The following KAZN variants were observed in gnomAD, a reference collection of about 807,000 sequenced individuals.
KAZN encodes the protein kazrin.
A neutral mutation model predicts 87.4 loss-of-function variants in KAZN; 40 were observed. The observed-to-expected ratio is 0.46, with a 90% CI of 0.36 to 0.60. KAZN has a LOEUF of 0.60. KAZN is among the 20% of genes least tolerant of loss of function. The pLI is 0.00. For missense variants in KAZN, 898 were observed against 1,073.9 expected (o/e 0.84, Z 2.29); for synonymous variants, 466 against 458.3 (o/e 1.02, Z -0.22).
chr1:14,466,338 A>C (rs2480056), intron 2 of KAZN, among the ~76,000 whole-genome samples: 4,276 of 151,894 alleles, frequency 0.028, 86 homozygotes, highest in Middle Eastern at 0.068. Context: ...AAGGAAAACA[A>C]AAAAGGAGAC....
chr1:14,760,199 C>T (rs1644700822), intron 1 of KAZN, among the ~76,000 whole-genome samples: 1 of 152,170 alleles, frequency 6.6e-6, no homozygotes, highest in Non-Finnish European at 1.5e-5. Context: ...CTTCCCACCC[C>T]CATTACTGGA....
At chr1:14,102,137 C>T (rs2101646971) in intron 1 of KAZN, among the ~76,000 whole-genome samples, 1 of 152,182 alleles carries the variant, frequency 6.6e-6, no homozygotes, top group Non-Finnish European at 1.5e-5. Context: ...TTTAAAAGCC[C>T]AGCTGAACTC....
chr1:14,096,836 G>A (rs1194312298), intron 1 of KAZN, among the ~76,000 whole-genome samples: 2 of 152,206 alleles, frequency 1.3e-5, no homozygotes, highest in African/African-American at 2.4e-5. Flanking sequence ...GTAACAGGGA[G>A]CATCTGTATT....
intron 2 of KAZN, among the ~76,000 whole-genome samples, chr1:14,395,354 G>C (rs1662807492): frequency 6.6e-6 from 1 of 151,920 alleles, no homozygotes; most frequent in African/African-American, 2.4e-5. Flanking sequence ...TTTTTTTTAA[G>C]TGCTTGGAAT....
intron 2 of KAZN, among the ~76,000 whole-genome samples, chr1:14,465,276 G>C (rs1229670926): frequency 6.6e-6 from 1 of 151,756 alleles, no homozygotes; most frequent in Non-Finnish European, 1.5e-5. Context: ...GAGGGCGCCT[G>C]TAGTCCCAGC....
chr1:14,845,855 G>A (rs1648691179), intron 1 of KAZN, among the ~76,000 whole-genome samples: 1 of 152,136 alleles, frequency 6.6e-6, no homozygotes. Flanking sequence ...CTCGAGGCAA[G>A]TCGGCCCCAG....
chr1:14,150,685 G>A (rs906376070), intron 1 of KAZN, among the ~76,000 whole-genome samples: 7 of 152,172 alleles, frequency 4.6e-5, no homozygotes, highest in East Asian at 1.9e-4. Flanking sequence ...GGAAAGAGAC[G>A]ATTTCACATT....
rs59955064 is a variant in KAZN, at chr1:14,845,361, G to GTGGATGGATGGA, written c.227-115303_227-115292dup. On this transcript the variant is annotated intron_variant, in intron 1 of 14. Transcript: ENST00000376030. ...GATGGATAGGTGAAGGGATGGATGA[G>GTGGATGGATGGA]TGGATGGATGGATGGATGGATGGAT... Among the ~76,000 whole-genome samples the GTGGATGGATGGA allele has an allele frequency of 3.4e-3, 504 of 147,322 alleles. 1 individual carries two copies. Among genetic ancestry groups the GTGGATGGATGGA allele is most frequent in the Middle Eastern group, 0.011 (3 of 282 alleles).
rs1057264549 is a variant in KAZN, at chr1:14,999,975, T to C, written c.419-34774T>C. 2.0e-5 allele frequency among the ~76,000 whole-genome samples: 3 copies of C among 152,266 alleles called. No homozygotes were observed. The South Asian group carries it at 6.2e-4, about 32-fold the overall frequency. On this transcript the variant is annotated intron_variant, in intron 2 of 14. Coordinates refer to ENST00000376030, the MANE Select transcript of KAZN (RefSeq NM_201628.3). ...TAAATAATGCCCGCCCCCCAAGATG[T>C]CCATGATATAATCCCTGGAACCTGT...
chr1:14,935,160 G>T (rs1447387374), intron 1 of KAZN, among the ~76,000 whole-genome samples: 1 of 152,216 alleles, frequency 6.6e-6, no homozygotes, highest in Non-Finnish European at 1.5e-5. Flanking sequence ...TACCCCTTGG[G>T]TTCTGGAGCA....
rs905007928 is a variant in KAZN, at chr1:14,812,093, A to G, written c.227-148591A>G. On this transcript the variant is annotated intron_variant, in intron 1 of 14. Coordinates refer to ENST00000376030, the MANE Select transcript of KAZN (RefSeq NM_201628.3). ...TAGAAGGGACACCGAGAGCTGTCAC[A>G]TCTTTCCCCACCTTTCCCTTGAAAT... Among the ~76,000 whole-genome samples the G allele has an allele frequency of 5.3e-5, 8 of 152,272 alleles. No homozygotes were observed. In the East Asian group the frequency reaches 1.5e-3, roughly 29 times the overall value.
intron 1 of KAZN, among the ~76,000 whole-genome samples, chr1:14,880,670 A>T (rs1653241975): frequency 6.6e-6 from 1 of 152,060 alleles, no homozygotes; most frequent in Admixed American, 6.6e-5. Context: ...TGGGCTGTTG[A>T]CCCAAAGGCT....
intron 2 of KAZN, among the ~76,000 whole-genome samples, chr1:14,395,108 G>A (rs79712353): frequency 0.093 from 14,204 of 152,072 alleles, 888 homozygotes; most frequent in Non-Finnish European, 0.14. Flanking sequence ...GAATAAGGGG[G>A]AAAAGAAGGA....
intron 2 of KAZN, among the ~76,000 whole-genome samples, chr1:14,513,900 T>G (rs1406663475): frequency 6.6e-6 from 1 of 151,988 alleles, no homozygotes; most frequent in Non-Finnish European, 1.5e-5. Context: ...GTGTCTTTAA[T>G]TTCTAAAAAA....
chr1:14,791,925 T>G (rs1645687738), intron 1 of KAZN, among the ~76,000 whole-genome samples: 1 of 152,204 alleles, frequency 6.6e-6, no homozygotes, highest in Admixed American at 6.5e-5. Flanking sequence ...GACTTGGCTT[T>G]CTGGAGGAGC....
intron 2 of KAZN, among the ~76,000 whole-genome samples, chr1:14,484,127 T>C (rs1669226710): frequency 6.6e-6 from 1 of 152,268 alleles, no homozygotes; most frequent in African/African-American, 2.4e-5. Context: ...TCTATGTGTC[T>C]GTTCTTATGC....
At chr1:13,977,555 G>A (rs909877517) in intron 1 of KAZN, among the ~76,000 whole-genome samples, 13 of 152,164 alleles carry the variant, frequency 8.5e-5, no homozygotes, top group Admixed American at 8.5e-4. Context: ...AACTTGAGAG[G>A]CCAAATTTTG....
At chr1:14,398,618 A>T (rs1311495772) in intron 2 of KAZN, among the ~76,000 whole-genome samples, 1 of 152,230 alleles carries the variant, frequency 6.6e-6, no homozygotes, top group Non-Finnish European at 1.5e-5. Context: ...TGTCTTCAGC[A>T]GGAGATGGGC....
Position 14,218,876 on chromosome 1 carries a change from CAGAT to C in KAZN, c.249+38286_249+38289del, listed in dbSNP as rs1226990744. Among the ~76,000 whole-genome samples, 4 of 141,246 alleles carry C rather than the reference CAGAT, an allele frequency of 2.8e-5. No homozygotes were observed. In the East Asian group the frequency reaches 8.5e-4, roughly 30 times the overall value. 92.7% of individuals were successfully genotyped at this position (141,246 alleles called of 152,430 possible). A position where few individuals can be genotyped will look rare whatever the true frequency, so the allele number is the denominator to read the frequency against. On this transcript the variant is annotated intron_variant, in intron 2 of 16. Coordinates refer to the KAZN transcript ENST00000636203. ...ATTAGAATATTACTATTTTGCAACT[CAGAT>C]AAATTAATAGATCTAGGCATTGTAC...
Sources: allele counts gnomAD v4.1 joint callset (sites outside exome capture counted in the v4.1 genomes callset), GRCh38; gene constraint gnomAD v4.1.1; transcripts MANE v1.5; gene names NCBI Gene and HGNC (gene_info 2026-07-23, HGNC 2026-07-21).